ITPR2: variants seen among roughly 807,000 people sequenced by gnomAD.
ITPR2 encodes inositol 1,4,5-trisphosphate-gated calcium channel ITPR2.
Under a neutral mutation model 317.1 loss-of-function variants are expected in ITPR2, and 207 were observed. The ratio of observed to expected loss-of-function variants is 0.65; its 90% CI spans 0.58 to 0.73. ITPR2 has a LOEUF of 0.73. Ranked by LOEUF, ITPR2 falls within the 30% of genes least tolerant of loss-of-function variation. The probability of loss-of-function intolerance (pLI) is 0.00; values close to 1 mark genes in which losing one functional copy is unlikely to be tolerated. For synonymous variants in ITPR2, 1,156 were observed against 1,149.1 expected (o/e 1.01, Z -0.12); for missense variants, 2,613 against 3,284.0 (o/e 0.80, Z 4.99).
At position 26,684,551 on chromosome 12, in the gene ITPR2, A is replaced by T. The variant is rs1592035611; in HGVS notation, c.1149-1878T>A. Among the ~76,000 whole-genome samples, 4 of 152,310 alleles carry T rather than the reference A, an allele frequency of 2.6e-5. No homozygotes were observed. In the South Asian group the frequency reaches 8.3e-4, roughly 32 times the overall value. On this transcript the variant is annotated intron_variant, in intron 11 of 56. Transcript: ENST00000381340. Reference sequence around the variant, plus strand: ...ATACATAAAAAGTGCTTCAAGAGTTATATTATAATAGTAGTTATTAAGCAT... The same window carrying T: ...ATACATAAAAAGTGCTTCAAGAGTTTTATTATAATAGTAGTTATTAAGCAT...
rs1277935263 is a variant in ITPR2, at chr12:26,338,305, T to C, written c.*1092A>G. On this transcript the variant is annotated 3_prime_UTR_variant, in exon 57 of 57. Transcript: ENST00000381340. ...AATAAGAGATTTTTATCTTGCTACA[T>C]TTTGAAAAGCCCTTACAGATACAGT... The C allele has an allele frequency of 6.6e-6, 1 of 152,664 alleles. No homozygotes were observed. Among genetic ancestry groups the C allele is most frequent in the Non-Finnish European group, 1.5e-5 (1 of 68,048 alleles). The allele number at this position is 152,664 out of a possible 1,614,324, so 9.5% of individuals were successfully genotyped here.
chr12:26,363,039 T>C (rs1938886618), intron 55 of ITPR2, among the ~76,000 whole-genome samples: 1 of 152,188 alleles, frequency 6.6e-6, no homozygotes, highest in Non-Finnish European at 1.5e-5. Flanking sequence ...CCAGTACCAG[T>C]CTGTGGCCTG....
intron 37 of ITPR2, among the ~76,000 whole-genome samples, chr12:26,529,863 G>A (rs565524439): frequency 1.1e-3 from 165 of 152,216 alleles, no homozygotes; most frequent in Admixed American, 4.7e-3. Flanking sequence ...TGTATCATCT[G>A]CTCCCCCTCC....
intron 15 of ITPR2, among the ~76,000 whole-genome samples, chr12:26,663,427 A>G (rs552191278): frequency 1.3e-5 from 2 of 152,334 alleles, no homozygotes; most frequent in African/African-American, 4.8e-5. Context: ...TGTCCTGGCC[A>G]CCAGGAACCA....
In ITPR2 at chr12:26,663,846, C is replaced by T. The variant is rs77639758; in HGVS notation, c.1552G>A (p.Val518Ile). The change falls in exon 15 of 57, where the codon GTA becomes ATA. Residue 518 changes from valine to isoleucine, a missense_variant and splice_region_variant. Coordinates refer to ENST00000381340, the MANE Select transcript of ITPR2 (RefSeq NM_002223.4). Reference protein sequence around the residue: ...LMREQNILAQVFGILKAPFKE... With the variant: ...LMREQNILAQIFGILKAPFKE... ...AAGGGTGCTTTAAGAATTCCAAATA[C>T]CTATCAGGAATAAAAACAGCCACCT... 5.3e-4 allele frequency: 854 copies of T among 1,601,662 alleles called. 2 individuals carry two copies. The African/African-American group carries it at 0.01, about 19-fold the overall frequency.
chr12:26,679,460 G>A (rs926408432), intron 13 of ITPR2, among the ~76,000 whole-genome samples: 1 of 152,126 alleles, frequency 6.6e-6, no homozygotes, highest in Non-Finnish European at 1.5e-5. Flanking sequence ...AGCAGGAAAT[G>A]GGACCCTGCA....
chr12:26,761,828 C>T (rs1012197175), intron 2 of ITPR2, among the ~76,000 whole-genome samples: 1 of 152,266 alleles, frequency 6.6e-6, no homozygotes, highest in African/African-American at 2.4e-5. Context: ...TACAAGAGAT[C>T]TCAGATTGAC....
intron 11 of ITPR2, among the ~76,000 whole-genome samples, chr12:26,684,569 T>C (rs1948092559): frequency 2.0e-5 from 3 of 152,232 alleles, no homozygotes; most frequent in Admixed American, 1.3e-4. Context: ...ATAGTAGTTA[T>C]TAAGCATTAA....
At position 26,486,496 on chromosome 12, in the gene ITPR2, A is replaced by T. The variant is rs549217210; in HGVS notation, c.5555-136T>A. ...CTGACAAAAGGTGCAACAATTTCCA[A>T]AAAGGATTTGAGAGAGCACTTAAAA... is the stretch of plus-strand genomic sequence containing the variant. On this transcript the variant is annotated intron_variant, in intron 40 of 56. Coordinates refer to ENST00000381340, the MANE Select transcript of ITPR2 (RefSeq NM_002223.4). 24 of 778,188 alleles carry T rather than the reference A, an allele frequency of 3.1e-5. No homozygotes were observed. The African/African-American group carries it at 3.5e-4, about 11-fold the overall frequency. The allele number at this position is 778,188 out of a possible 1,614,324, so 48.2% of individuals were successfully genotyped here. A position where few individuals can be genotyped will look rare whatever the true frequency, so the allele number is the denominator to read the frequency against.
At chr12:26,349,135 G>A (rs1938400235) in intron 55 of ITPR2, among the ~76,000 whole-genome samples, 3 of 152,190 alleles carry the variant, frequency 2.0e-5, no homozygotes, top group Admixed American at 2.0e-4. Flanking sequence ...GCAACACACA[G>A]AGTCCCTGTC....
intron 34 of ITPR2, among the ~76,000 whole-genome samples, chr12:26,571,716 G>A (rs966835012): frequency 1.3e-5 from 2 of 152,160 alleles, no homozygotes; most frequent in African/African-American, 2.4e-5. Flanking sequence ...CCCTGATAAC[G>A]TCATTTCCCC....
chr12:26,433,286 C>T (rs1478978034), intron 48 of ITPR2, among the ~76,000 whole-genome samples: 1 of 152,154 alleles, frequency 6.6e-6, no homozygotes, highest in African/African-American at 2.4e-5. Flanking sequence ...TTGGTTACTA[C>T]TGTTAACTGC....
At chr12:26,560,102 C>G (rs927046807) in intron 35 of ITPR2, among the ~76,000 whole-genome samples, 8 of 152,152 alleles carry the variant, frequency 5.3e-5, no homozygotes, top group African/African-American at 1.7e-4. Context: ...TAATGGATAT[C>G]AATCTATTAA....
chr12:26,828,652 A>C (rs2137310207), intron 1 of ITPR2, among the ~76,000 whole-genome samples: 1 of 152,332 alleles, frequency 6.6e-6, no homozygotes, highest in South Asian at 2.1e-4. Flanking sequence ...CAATAGCTGA[A>C]ACTTTTTCAC....
At chr12:26,428,988 A>G (rs551014732) in intron 48 of ITPR2, among the ~76,000 whole-genome samples, 96 of 152,342 alleles carry the variant, frequency 6.3e-4, no homozygotes, top group African/African-American at 2.1e-3. Context: ...GTAAATATTC[A>G]ATAACAGTCT....
intron 46 of ITPR2, among the ~76,000 whole-genome samples, chr12:26,440,101 G>T (rs967448244): frequency 6.6e-6 from 1 of 152,150 alleles, no homozygotes; most frequent in African/African-American, 2.4e-5. Context: ...TGACTGGTGT[G>T]GTGGTGGTCA....
intron 1 of ITPR2, among the ~76,000 whole-genome samples, chr12:26,827,759 C>T (rs923037338): frequency 6.6e-6 from 1 of 152,210 alleles, no homozygotes; most frequent in African/African-American, 2.4e-5. Context: ...AAACATCATG[C>T]TACTAGCCAT....
Position 26,625,553 on chromosome 12 carries a change from AT to A in ITPR2, c.3065-1198del, listed in dbSNP as rs928291774. Among the ~76,000 whole-genome samples, 62 of 152,336 alleles carry A rather than the reference AT, an allele frequency of 4.1e-4. 1 individual carries two copies. Among genetic ancestry groups the A allele is most frequent in the South Asian group, 1.9e-3 (9 of 4,820 alleles). On this transcript the variant is annotated intron_variant, in intron 23 of 56. Coordinates refer to ENST00000381340, the MANE Select transcript of ITPR2 (RefSeq NM_002223.4). ...ATAGTTCCACTAAGACATCAATGTA[AT>A]TTTTTAATGTAAACTATGTTTTAAA...
intron 51 of ITPR2, among the ~76,000 whole-genome samples, chr12:26,415,077 G>A (rs1417321558): frequency 6.6e-6 from 1 of 152,096 alleles, no homozygotes; most frequent in East Asian, 1.9e-4. Flanking sequence ...CCGAGACTGA[G>A]CTGGGATGGT....
Sources: allele counts gnomAD v4.1 joint callset (sites outside exome capture counted in the v4.1 genomes callset), GRCh38; gene constraint gnomAD v4.1.1; transcripts MANE v1.5; gene names NCBI Gene and HGNC (gene_info 2026-07-23, HGNC 2026-07-21).